The following RNASEH2A variants were observed in gnomAD, a reference collection of about 807,000 sequenced individuals.
The protein encoded by RNASEH2A is RNase H(35).
In RNASEH2A, 30 loss-of-function variants were observed where a neutral mutation model predicts 32.7. The ratio of observed to expected loss-of-function variants is 0.92; its 90% CI spans 0.69 to 1.25. The LOEUF is 1.25. Among genes scored for constraint, RNASEH2A ranks in the 50% most tolerant of loss-of-function variants. The pLI is 0.00. For missense variants in RNASEH2A, 409 were observed against 398.1 expected (o/e 1.03, Z -0.23); for synonymous variants, 147 against 165.4 (o/e 0.89, Z 0.86).
At position 12,810,552 on chromosome 19, in the gene RNASEH2A, C is replaced by T. The variant is rs183282409; in HGVS notation, c.637+148C>T. On this transcript the variant is annotated intron_variant, in intron 6 of 7. Transcript: ENST00000221486. ...TGTTATTTTTGTTTATTTTTTGAGA[C>T]GGAGTTTCGCTCTTTTTGCCCAGGC... 517 of 836,208 alleles carry T rather than the reference C, an allele frequency of 6.2e-4. 1 individual carries two copies. The highest frequency in any genetic ancestry group is 4.0e-4 in the East Asian group (15 of 37,552). The allele number at this position is 836,208 out of a possible 1,614,324, so 51.8% of individuals were successfully genotyped here. A position where few individuals can be genotyped will look rare whatever the true frequency, so the allele number is the denominator to read the frequency against.
chr19:12,812,788 C>G (rs541225538), intron 6 of RNASEH2A, among the ~76,000 whole-genome samples: 2 of 152,006 alleles, frequency 1.3e-5, no homozygotes, highest in Admixed American at 6.6e-5. Flanking sequence ...GGGTAGATCA[C>G]GAGGTCAAGC....
At chr19:12,808,762 C>T (rs1353303088) in intron 4 of RNASEH2A, among the ~76,000 whole-genome samples, 2 of 152,266 alleles carry the variant, frequency 1.3e-5, no homozygotes, top group Admixed American at 1.3e-4. Flanking sequence ...ATGGACCGTT[C>T]TGAGAGAATA....
intron 7 of RNASEH2A, 27 bp from the exon 8 acceptor site, chr19:12,813,301 G>A (rs371839653): frequency 6.0e-5 from 97 of 1,613,998 alleles, no homozygotes; most frequent in Non-Finnish European, 7.8e-5. Flanking sequence ...TGTGTAAGTG[G>A]TCACTGTCAT....
Position 12,809,592 on chromosome 19 carries a change from G to A in RNASEH2A, c.412-479G>A, listed in dbSNP as rs1019917177. On this transcript the variant is annotated intron_variant, in intron 4 of 7. Transcript: ENST00000221486. The stretch of plus-strand genomic sequence containing the variant: ...TGCCCTCAAGCGATCCTCCCACTTC[G>A]GCTTCCTAAAGTGTTGGGATTACAG... Among the ~76,000 whole-genome samples the A allele has an allele frequency of 3.3e-5, 5 of 152,040 alleles. 1 individual carries two copies. The highest frequency in any genetic ancestry group is 6.6e-5 in the Admixed American group (1 of 15,254).
At chr19:12,810,258 G>A (rs1969054045) in intron 5 of RNASEH2A, 50 bp downstream of exon 5, 1 of 1,614,082 alleles carries the variant, frequency 6.2e-7, no homozygotes, top group Non-Finnish European at 8.5e-7. Flanking sequence ...ACTATATAGG[G>A]GCCAGGCATG....
In RNASEH2A at chr19:12,810,043, A is replaced by T. The variant is rs376693170; in HGVS notation, c.412-28A>T. ...AGAGCATTGGTACAGTTGTTTGTTC[A>T]ATTAATATGTGTCTGTTGCTGTGGC... On this transcript the variant is annotated intron_variant, in intron 4 of 7. Coordinates refer to ENST00000221486, the MANE Select transcript of RNASEH2A (RefSeq NM_006397.3). 3.7e-5 allele frequency: 60 copies of T among 1,613,758 alleles called. No individual in the cohort carries two copies. The African/African-American group carries it at 7.6e-4, about 20-fold the overall frequency.
chr19:12,813,356 G>A lies in RNASEH2A; in HGVS notation c.790G>A (p.Gly264Arg), dbSNP rs759306586. ...WEDSASENQE[G>R]LRKITSYFLN... is the part of the protein sequence containing the mutation. ...GGACTCAGCATCCGAGAATCAGGAGGGACTCAGGAAGATCACATCCTACTT... is the reference window on the plus strand; with the variant it reads ...GGACTCAGCATCCGAGAATCAGGAGAGACTCAGGAAGATCACATCCTACTT... The change falls in exon 8 of 8, where the codon GGA becomes AGA. Residue 264 changes from glycine to arginine, a missense_variant. Transcript: ENST00000221486. The A allele has an allele frequency of 5.6e-6, 9 of 1,613,960 alleles. No homozygotes were observed. The South Asian group carries it at 6.6e-5, about 12-fold the overall frequency.
chr19:12,807,700 G>A (rs146864977), intron 4 of RNASEH2A, 194 bp downstream of exon 4: 19 of 625,842 alleles, frequency 3.0e-5, no homozygotes, highest in Non-Finnish European at 4.7e-5. Flanking sequence ...GGGAAGCCGC[G>A]GCGGGTAGAT....
chr19:12,811,183 C>T (rs1288037888), intron 6 of RNASEH2A, among the ~76,000 whole-genome samples: 1 of 152,154 alleles, frequency 6.6e-6, no homozygotes, highest in Non-Finnish European at 1.5e-5. Context: ...TTGTTTATGG[C>T]CACACAGCCA....
At chr19:12,812,354 AAAC>A (rs1969085334) in intron 6 of RNASEH2A, among the ~76,000 whole-genome samples, 1 of 151,434 alleles carries the variant, frequency 6.6e-6, no homozygotes, top group Non-Finnish European at 1.5e-5. Flanking sequence ...CAATATGGTG[AAAC>A]CCCGTCTCTA....
Position 12,806,592 on chromosome 19 carries a change from C to T in RNASEH2A, c.-82C>T, listed in dbSNP as rs1396541069. 1 of 1,544,530 alleles carries T rather than the reference C, an allele frequency of 6.5e-7. No individual in the cohort carries two copies. Among genetic ancestry groups the T allele is most frequent in the Non-Finnish European group, 8.8e-7 (1 of 1,141,502 alleles). On this transcript the variant is annotated 5_prime_UTR_variant, in exon 1 of 8. Transcript: ENST00000221486. ...GCGGATTGGCCGGAAGCAGGCGCCG[C>T]TTCGAGGCCCGCGGAAAACGCGCGC...
Position 12,807,257 on chromosome 19 carries a change from A to G in RNASEH2A, c.251A>G (p.Glu84Gly), listed in dbSNP as rs775648683. 1.2e-6 allele frequency: 2 copies of G among 1,614,172 alleles called. No homozygotes were observed. The highest frequency in any genetic ancestry group is 1.7e-6 in the Non-Finnish European group (2 of 1,180,028). ...CGGGAAAGGCTGTTTGCGAAAATGG[A>G]GGACACGGACTTTGTCGGCTGGGCG... Reference protein sequence around the residue: ...SERERLFAKMEDTDFVGWALD... With the variant: ...SERERLFAKMGDTDFVGWALD... Residue 84 changes from glutamate (E) to glycine (G), a missense_variant, in exon 3 of 8, where the codon GAG becomes GGG. By Grantham distance (98) the Glu-to-Gly change is moderately conservative (BLOSUM62 -2). Coordinates refer to ENST00000221486, the MANE Select transcript of RNASEH2A (RefSeq NM_006397.3).
In RNASEH2A at chr19:12,813,315, C is replaced by G. The variant is rs781591228; in HGVS notation, c.762-13C>G. ...CTGTGTAAGTGGTCACTGTCATCAC[C>G]TCTCTCCCACAGGGAGGACTCAGCA... On this transcript the variant is annotated splice_polypyrimidine_tract_variant and intron_variant, in intron 7 of 7. Coordinates refer to ENST00000221486, the MANE Select transcript of RNASEH2A (RefSeq NM_006397.3). 5.2e-5 allele frequency: 84 copies of G among 1,614,010 alleles called. No individual in the cohort carries two copies. The highest frequency in any genetic ancestry group is 6.6e-5 in the Non-Finnish European group (78 of 1,180,020).
Position 12,810,063 on chromosome 19 carries a change from T to C in RNASEH2A, c.412-8T>C. On this transcript the variant is annotated splice_region_variant and splice_polypyrimidine_tract_variant and intron_variant, in intron 4 of 7. Transcript: ENST00000221486. Reference sequence around the variant, plus strand: ...TGTTCAATTAATATGTGTCTGTTGCTGTGGCAGGTATTCGTGGACACCGTA... The same window carrying C: ...TGTTCAATTAATATGTGTCTGTTGCCGTGGCAGGTATTCGTGGACACCGTA... 1.2e-6 allele frequency: 2 copies of C among 1,614,178 alleles called. No homozygotes were observed. Among genetic ancestry groups the C allele is most frequent in the Non-Finnish European group, 8.5e-7 (1 of 1,180,036 alleles).
At chr19:12,811,390 G>A (rs1199403089) in intron 6 of RNASEH2A, among the ~76,000 whole-genome samples, 5 of 151,014 alleles carry the variant, frequency 3.3e-5, no homozygotes, top group South Asian at 2.1e-4. Context: ...TAGGAGAACC[G>A]CTTGAGTCCT....
At chr19:12,808,622 C>G (rs1490434056) in intron 4 of RNASEH2A, among the ~76,000 whole-genome samples, 1 of 152,172 alleles carries the variant, frequency 6.6e-6, no homozygotes, top group African/African-American at 2.4e-5. Flanking sequence ...AAATGCACAT[C>G]TCGACATTTA....
At chr19:12,809,210 TAAAAATA>T (rs1455654181) in intron 4 of RNASEH2A, among the ~76,000 whole-genome samples, 2 of 151,962 alleles carry the variant, frequency 1.3e-5, no homozygotes, top group African/African-American at 4.8e-5. Context: ...CCATCTCTAC[TAAAAATA>T]AAAAATAAAA....
intron 6 of RNASEH2A, among the ~76,000 whole-genome samples, chr19:12,811,131 A>G (rs1026289370): frequency 3.3e-5 from 5 of 151,900 alleles, no homozygotes; most frequent in Non-Finnish European, 5.9e-5. Flanking sequence ...TGGTCACCCT[A>G]CTCCACAGTG....
rs1969055468 is a variant in RNASEH2A at position 12,810,336 on chromosome 19, T to G, written c.569T>G (p.Val190Gly). ...ICAKVARDQA[V>G]KKWQFVEKLQ... The stretch of plus-strand genomic sequence containing the variant: ...CCACAGGTGGCCCGGGACCAGGCCG[T>G]GAAGAAATGGCAGTTCGTGGAGAAA... The change falls in exon 6 of 8, where the codon GTG becomes GGG. Residue 190 changes from valine to glycine, a missense_variant. Val to Gly is a moderately radical substitution (Grantham distance 109, BLOSUM62 -3). Transcript: ENST00000221486. 6.2e-7 allele frequency: 1 copy of G among 1,613,970 alleles called. No homozygotes were observed. Among genetic ancestry groups the G allele is most frequent in the Non-Finnish European group, 8.5e-7 (1 of 1,180,020 alleles).
Sources: allele counts gnomAD v4.1 joint callset (sites outside exome capture counted in the v4.1 genomes callset), GRCh38; gene constraint gnomAD v4.1.1; transcripts MANE v1.5; gene names NCBI Gene and HGNC (gene_info 2026-07-23, HGNC 2026-07-21).